The following FAP variants were observed in gnomAD, a reference collection of about 807,000 sequenced individuals.
FAP encodes the protein fibroblast activation protein alpha.
A neutral mutation model predicts 126.5 loss-of-function variants in FAP; 110 were observed. The observed-to-expected ratio is 0.87, with a 90% CI of 0.74 to 1.02. The LOEUF is 1.02. Among genes scored for constraint, FAP ranks in the 50% least tolerant of loss-of-function variants. The pLI is 0.00. For missense variants in FAP, 919 were observed against 909.2 expected (o/e 1.01, Z -0.14); for synonymous variants, 334 against 297.3 (o/e 1.12, Z -1.27).
intron 2 of FAP, among the ~76,000 whole-genome samples, chr2:162,236,619 G>GA (rs915084784): frequency 2.6e-5 from 4 of 151,892 alleles, no homozygotes; most frequent in African/African-American, 9.7e-5. Context: ...GTTTTTGGTG[G>GA]GGGGGCAGGG....
chr2:162,209,396 G>T (rs1437832339), intron 12 of FAP, among the ~76,000 whole-genome samples: 1 of 151,932 alleles, frequency 6.6e-6, no homozygotes, highest in Non-Finnish European at 1.5e-5. Context: ...ATAAATTATT[G>T]AATAAACCTA....
At chr2:162,240,601 C>T (rs960757094) in intron 2 of FAP, among the ~76,000 whole-genome samples, 12 of 152,154 alleles carry the variant, frequency 7.9e-5, no homozygotes, top group Non-Finnish European at 1.2e-4. Flanking sequence ...AACTAATACA[C>T]TAATATGTAA....
intron 9 of FAP, among the ~76,000 whole-genome samples, chr2:162,216,428 C>T (rs1689163778): frequency 6.6e-6 from 1 of 152,122 alleles, no homozygotes; most frequent in South Asian, 2.1e-4. Flanking sequence ...AAATGAAAGA[C>T]ACTTTTTGCT....
chr2:162,212,241 G>T (rs1688967740), intron 11 of FAP, among the ~76,000 whole-genome samples: 1 of 152,116 alleles, frequency 6.6e-6, no homozygotes. Context: ...AGTTTTAGGA[G>T]CTAAAAATTG....
chr2:162,181,713 T>C (rs763295033), intron 21 of FAP, among the ~76,000 whole-genome samples: 2 of 152,206 alleles, frequency 1.3e-5, no homozygotes, highest in Non-Finnish European at 2.9e-5. Flanking sequence ...TATTTTGTTG[T>C]CTGTTTCCCC....
rs758739692 is a variant in FAP at position 162,203,159 on chromosome 2, G to T, written c.1048-14C>A. The T allele has an allele frequency of 2.7e-5, 43 of 1,568,928 alleles. No homozygotes were observed. Among genetic ancestry groups the T allele is most frequent in the Non-Finnish European group, 3.7e-5 (42 of 1,142,886 alleles). On this transcript the variant is annotated splice_polypyrimidine_tract_variant and intron_variant, in intron 12 of 25. Coordinates refer to ENST00000188790, the MANE Select transcript of FAP (RefSeq NM_004460.5). ...TGAAACAAAGAACTGAAAAAAATTAGCAGAGGTTATGTTCAAAAGACAAAC... is the reference window on the plus strand; with the variant it reads ...TGAAACAAAGAACTGAAAAAAATTATCAGAGGTTATGTTCAAAAGACAAAC...
At chr2:162,232,211 A>C (rs1689928889) in intron 2 of FAP, among the ~76,000 whole-genome samples, 1 of 152,224 alleles carries the variant, frequency 6.6e-6, no homozygotes, top group African/African-American at 2.4e-5. Context: ...ATAATTTATA[A>C]GTTCTTGTAC....
chr2:162,205,078 C>T (rs1688652064), intron 12 of FAP, among the ~76,000 whole-genome samples: 1 of 152,110 alleles, frequency 6.6e-6, no homozygotes, highest in African/African-American at 2.4e-5. Flanking sequence ...CTTGCTTCTG[C>T]GTTTGGCCTA....
intron 20 of FAP, among the ~76,000 whole-genome samples, chr2:162,187,877 A>G (rs1429794034): frequency 6.6e-6 from 1 of 152,088 alleles, no homozygotes; most frequent in Non-Finnish European, 1.5e-5. Flanking sequence ...TTTTCTATCA[A>G]TTGTAAGAAA....
At chr2:162,235,128 C>G (rs1208420320) in intron 2 of FAP, among the ~76,000 whole-genome samples, 1 of 151,732 alleles carries the variant, frequency 6.6e-6, no homozygotes, top group African/African-American at 2.4e-5. Context: ...CTCTCCCACT[C>G]CCCCCACTCC....
chr2:162,219,036 T>C, intron 8 of FAP, 27 bp downstream of exon 8: 2 of 1,556,526 alleles, frequency 1.3e-6, no homozygotes, highest in Non-Finnish European at 1.7e-6. Flanking sequence ...CCTAAAGCAT[T>C]AGCAGTAGAA....
intron 9 of FAP, among the ~76,000 whole-genome samples, chr2:162,216,469 C>T (rs368731607): frequency 3.0e-4 from 45 of 152,184 alleles, no homozygotes; most frequent in African/African-American, 9.4e-4. Flanking sequence ...AGGACAATCA[C>T]CAAATGCTCA....
chr2:162,189,135 G>C lies in FAP; in HGVS notation c.1587C>G (p.Asp529Glu), dbSNP rs144304958. Residue 529 changes from aspartate (D) to glutamate (E), a missense_variant, in exon 19 of 26, where the codon GAC becomes GAG. Coordinates refer to ENST00000188790, the MANE Select transcript of FAP (RefSeq NM_004460.5). ...WYKMILPPQF[D>E]RSKKYPLLIQ... ...TTAGCAAGGGATACTTCTTTGATCT[G>C]TCAAATTGAGGAGGAAGAATCATCT... 5.4e-5 allele frequency: 87 copies of C among 1,602,480 alleles called. No homozygotes were observed. The African/African-American group carries it at 9.1e-4, about 17-fold the overall frequency.
Position 162,188,809 on chromosome 2 carries a change from A to AT in FAP, c.1619+293dup, listed in dbSNP as rs1391807975. Among the ~76,000 whole-genome samples, 4 of 151,794 alleles carry AT rather than the reference A, an allele frequency of 2.6e-5. No individual in the cohort carries two copies. In the South Asian group the frequency reaches 6.2e-4, roughly 24 times the overall value. On this transcript the variant is annotated intron_variant, in intron 19 of 25. Coordinates refer to ENST00000188790, the MANE Select transcript of FAP (RefSeq NM_004460.5). ...ATAAGATGTGAAGATGATTTACAAT[A>AT]TTTTTTTTGGCTGCAATTTCTCTAT... is the stretch of plus-strand genomic sequence containing the variant.
At chr2:162,210,049 T>C in intron 11 of FAP, 53 bp from the exon 12 acceptor site, 1 of 1,506,654 alleles carries the variant, frequency 6.6e-7, no homozygotes, top group Non-Finnish European at 9.2e-7. Flanking sequence ...ATTTTTTTCC[T>C]AAATGTAATC....
chr2:162,240,267 T>A (rs1175729755), intron 2 of FAP, among the ~76,000 whole-genome samples: 10 of 152,260 alleles, frequency 6.6e-5, no homozygotes, highest in African/African-American at 2.4e-4. Context: ...TTCCTTATAG[T>A]TAATATTTTG....
At chr2:162,236,755 C>T (rs1397618907) in intron 2 of FAP, among the ~76,000 whole-genome samples, 9 of 152,072 alleles carry the variant, frequency 5.9e-5, no homozygotes, top group African/African-American at 1.9e-4. Flanking sequence ...TTACAGGTGT[C>T]AGCCACCACT....
At position 162,230,583 on chromosome 2, in the gene FAP, C is replaced by A. The variant is rs552033521; in HGVS notation, c.92-3962G>T. Among the ~76,000 whole-genome samples, 11 of 151,440 alleles carry A rather than the reference C, an allele frequency of 7.3e-5. 1 individual carries two copies. In the South Asian group the frequency reaches 1.9e-3, roughly 26 times the overall value. ...GTGTTCGCTTGTTTTGAATAATTCC[C>A]CCGAGAATATATCTTCCCTTACTTT... is the stretch of plus-strand genomic sequence containing the variant. On this transcript the variant is annotated intron_variant, in intron 2 of 25. Coordinates refer to ENST00000188790, the MANE Select transcript of FAP (RefSeq NM_004460.5).
intron 15 of FAP, among the ~76,000 whole-genome samples, chr2:162,200,179 G>A (rs1688440364): frequency 6.6e-6 from 1 of 152,190 alleles, no homozygotes; most frequent in Non-Finnish European, 1.5e-5. Context: ...TGGTGCCAAA[G>A]TGAGACAGAG....
Sources: allele counts gnomAD v4.1 joint callset (sites outside exome capture counted in the v4.1 genomes callset), GRCh38; gene constraint gnomAD v4.1.1; transcripts MANE v1.5; gene names NCBI Gene and HGNC (gene_info 2026-07-23, HGNC 2026-07-21).